ADK: variants seen among roughly 807,000 people sequenced by gnomAD.
ADK encodes adenosine kinase, also known as N6,N6-dimethyladenosine kinase.
A neutral mutation model predicts 44.7 loss-of-function variants in ADK; 24 were observed. That is an observed-to-expected ratio of 0.54 (90% CI 0.39 to 0.76). The LOEUF (loss-of-function observed/expected upper bound fraction) is 0.76, where lower values mean the gene tolerates loss of function less well. ADK is among the 30% of genes least tolerant of loss of function. The pLI is 0.00. For synonymous variants in ADK, 128 were observed against 142.6 expected, an observed-to-expected ratio of 0.90 and a Z score of 0.73; for missense variants, 321 against 425.1, an observed-to-expected ratio of 0.76 and a Z score of 2.15.
At chr10:74,507,964 A>C (rs1026765925) in intron 6 of ADK, among the ~76,000 whole-genome samples, 4 of 152,200 alleles carry the variant, frequency 2.6e-5, no homozygotes, top group Admixed American at 2.6e-4. Flanking sequence ...TAACATGTAG[A>C]GGTAGTGGAC....
chr10:74,186,868 G>A (rs1020643170), intron 1 of ADK, among the ~76,000 whole-genome samples: 3 of 152,110 alleles, frequency 2.0e-5, no homozygotes, highest in African/African-American at 7.2e-5. Flanking sequence ...CTATTGATGG[G>A]CTTTGGGTTA....
intron 9 of ADK, among the ~76,000 whole-genome samples, chr10:74,650,463 T>C (rs1854220589): frequency 6.6e-6 from 1 of 152,104 alleles, no homozygotes; most frequent in Non-Finnish European, 1.5e-5. Flanking sequence ...GCTTTACAGC[T>C]CACATAGAAC....
At chr10:74,189,083 GCTAACC>G (rs1045969205) in intron 1 of ADK, among the ~76,000 whole-genome samples, 6 of 151,886 alleles carry the variant, frequency 4.0e-5, no homozygotes, top group African/African-American at 1.5e-4. Flanking sequence ...TTTTTTCTTT[GCTAACC>G]CCTAGTAGTC....
At chr10:74,216,002 C>T (rs183491156) in intron 2 of ADK, among the ~76,000 whole-genome samples, 1 of 152,160 alleles carries the variant, frequency 6.6e-6, no homozygotes, top group Non-Finnish European at 1.5e-5. Context: ...TGATTTGATA[C>T]CCCTTTTATT....
intron 6 of ADK, among the ~76,000 whole-genome samples, chr10:74,430,977 A>T (rs1219151159): frequency 6.6e-6 from 1 of 151,072 alleles, no homozygotes; most frequent in African/African-American, 2.4e-5. Flanking sequence ...AAGCATGGGG[A>T]ACTATTAAGA....
At chr10:74,318,996 G>T (rs1248490726) in intron 4 of ADK, among the ~76,000 whole-genome samples, 1 of 120,892 alleles carries the variant, frequency 8.3e-6, no homozygotes, top group African/African-American at 2.5e-5. Flanking sequence ...TTTTACCTTT[G>T]ACTGTATTAC....
chr10:74,343,876 G>A (rs1195000069), intron 4 of ADK, among the ~76,000 whole-genome samples: 5 of 152,114 alleles, frequency 3.3e-5, no homozygotes, highest in South Asian at 2.1e-4. Context: ...CCCAAAATGC[G>A]AGATTACAGG....
At chr10:74,688,045 T>G (rs1186851685) in intron 10 of ADK, among the ~76,000 whole-genome samples, 1 of 152,250 alleles carries the variant, frequency 6.6e-6, no homozygotes, top group East Asian at 1.9e-4. Flanking sequence ...TATGATCTGC[T>G]ATGTTTGTAT....
intron 3 of ADK, among the ~76,000 whole-genome samples, chr10:74,275,298 C>T (rs558832434): frequency 4.0e-4 from 61 of 152,138 alleles, no homozygotes; most frequent in African/African-American, 1.4e-3. Flanking sequence ...GAGAGAGCCC[C>T]TCTCTGCGCT....
chr10:74,538,336 A>G (rs894688638), intron 7 of ADK, among the ~76,000 whole-genome samples: 3 of 152,010 alleles, frequency 2.0e-5, no homozygotes, highest in African/African-American at 7.2e-5. Flanking sequence ...AAATTTTCTT[A>G]TAGGAAAGCC....
intron 6 of ADK, among the ~76,000 whole-genome samples, chr10:74,402,652 T>C (rs1843759564): frequency 6.6e-6 from 1 of 152,192 alleles, no homozygotes; most frequent in Non-Finnish European, 1.5e-5. Context: ...GTCTAATCTT[T>C]TTTGAAGGTT....
intron 9 of ADK, among the ~76,000 whole-genome samples, chr10:74,657,873 G>A (rs1485909754): frequency 6.6e-6 from 1 of 152,194 alleles, no homozygotes; most frequent in African/African-American, 2.4e-5. Context: ...GCATAAAAGA[G>A]AATAATCAGT....
chr10:74,267,474 A>G (rs1846251567), intron 3 of ADK, among the ~76,000 whole-genome samples: 2 of 152,014 alleles, frequency 1.3e-5, no homozygotes, highest in Non-Finnish European at 1.5e-5. Flanking sequence ...ATTTTTTTTT[A>G]AGATTCCAGA....
At chr10:74,154,730 C>A (rs1841702988) in intron 1 of ADK, among the ~76,000 whole-genome samples, 1 of 152,194 alleles carries the variant, frequency 6.6e-6, no homozygotes, top group Non-Finnish European at 1.5e-5. Flanking sequence ...CTCCTTTACT[C>A]CAAAGTTTGA....
intron 4 of ADK, among the ~76,000 whole-genome samples, chr10:74,360,024 C>G (rs1241779382): frequency 2.6e-5 from 4 of 152,020 alleles, no homozygotes; most frequent in Non-Finnish European, 5.9e-5. Flanking sequence ...CTTACCAGTT[C>G]TAATATAATA....
chr10:74,187,535 C>A (rs1045184270), intron 1 of ADK, among the ~76,000 whole-genome samples: 2 of 151,910 alleles, frequency 1.3e-5, no homozygotes, highest in African/African-American at 4.8e-5. Flanking sequence ...CTCTCTCTCT[C>A]TAAATATTTT....
At chr10:74,414,807 C>G (rs1475752235) in intron 6 of ADK, among the ~76,000 whole-genome samples, 1 of 152,044 alleles carries the variant, frequency 6.6e-6, no homozygotes, top group Non-Finnish European at 1.5e-5. Context: ...AAATAAAATT[C>G]TAATACCAGT....
At chr10:74,501,987 T>A (rs1847900569) in intron 6 of ADK, among the ~76,000 whole-genome samples, 1 of 152,142 alleles carries the variant, frequency 6.6e-6, no homozygotes, top group Admixed American at 6.5e-5. Flanking sequence ...CTCAATTTTT[T>A]AAAGAAATCA....
rs571736838 is a variant in ADK at position 74,495,122 on chromosome 10, T to A, written c.556-30134T>A. Among the ~76,000 whole-genome samples, 18 of 152,272 alleles carry A rather than the reference T, an allele frequency of 1.2e-4. No individual in the cohort carries two copies. In the East Asian group the frequency reaches 2.7e-3, roughly 23 times the overall value. Reference sequence around the variant, plus strand: ...GAAGCATTTATGATCTGTCTCTGGTTTTCTAAAGTTTCATGATAAATAATA... The same window carrying A: ...GAAGCATTTATGATCTGTCTCTGGTATTCTAAAGTTTCATGATAAATAATA... On this transcript the variant is annotated intron_variant, in intron 6 of 10. Coordinates refer to ENST00000539909, the MANE Select transcript of ADK (RefSeq NM_006721.4).
Sources: allele counts gnomAD v4.1 joint callset (sites outside exome capture counted in the v4.1 genomes callset), GRCh38; gene constraint gnomAD v4.1.1; transcripts MANE v1.5; gene names NCBI Gene and HGNC (gene_info 2026-07-23, HGNC 2026-07-21).